The following EVL variants were observed in gnomAD, a reference collection of about 807,000 sequenced individuals.
EVL encodes the protein Enah/Vasp-like, also known as ena/VASP-like protein.
EVL carries 21 observed loss-of-function variants against 59.6 expected under a neutral mutation model. That is an observed-to-expected ratio of 0.35 (90% CI 0.25 to 0.51). The LOEUF is 0.51. Ranked by LOEUF, EVL falls within the 20% of genes least tolerant of loss-of-function variation. The probability of loss-of-function intolerance (pLI) is 0.97; values close to 1 mark genes in which losing one functional copy is unlikely to be tolerated. For synonymous variants in EVL, 198 were observed against 203.5 expected (o/e 0.97, Z 0.23); for missense variants, 462 against 546.6 (o/e 0.85, Z 1.54).
intron 13 of EVL, among the ~76,000 whole-genome samples, chr14:100,142,621 A>C (rs1889255532): frequency 1.3e-5 from 2 of 152,214 alleles, no homozygotes; most frequent in Non-Finnish European, 2.9e-5. Context: ...CTGATGGCAG[A>C]GGGAAGAGGC....
At chr14:100,120,132 G>A (rs905980796) in intron 3 of EVL, among the ~76,000 whole-genome samples, 7 of 152,224 alleles carry the variant, frequency 4.6e-5, no homozygotes, top group Non-Finnish European at 5.9e-5. Context: ...GCAGGGCATC[G>A]TTACACTGCT....
intron 1 of EVL, among the ~76,000 whole-genome samples, chr14:99,991,045 AT>A (rs2060872620): frequency 6.6e-6 from 1 of 151,808 alleles, no homozygotes; most frequent in Non-Finnish European, 1.5e-5. Flanking sequence ...TTTTTTGGAG[AT>A]TTGTGACAAT....
chr14:100,058,689 CA>C (rs2061773239), intron 1 of EVL, among the ~76,000 whole-genome samples: 1 of 151,918 alleles, frequency 6.6e-6, no homozygotes, highest in Admixed American at 6.6e-5. Flanking sequence ...ACACCAGGGT[CA>C]AAGTAGAGAC....
intron 11 of EVL, chr14:100,138,583 G>A (rs1435820587): frequency 6.5e-6 from 1 of 152,676 alleles, no homozygotes; most frequent in Non-Finnish European, 1.5e-5. Flanking sequence ...TGAACAGGTG[G>A]TGAGAGCAGA....
intron 1 of EVL, among the ~76,000 whole-genome samples, chr14:100,080,756 T>C (rs980665898): frequency 6.6e-6 from 1 of 152,156 alleles, no homozygotes; most frequent in Non-Finnish European, 1.5e-5. Context: ...GGGAAAGAAG[T>C]CCACCAACCT....
intron 8 of EVL, chr14:100,134,768 T>C (rs959456570): frequency 6.6e-6 from 1 of 152,254 alleles, no homozygotes; most frequent in African/African-American, 2.4e-5. Flanking sequence ...ATGGCAGAGC[T>C]GGCCCTGGGC....
At chr14:100,056,921 A>G (rs2061742897) in intron 1 of EVL, among the ~76,000 whole-genome samples, 1 of 152,228 alleles carries the variant, frequency 6.6e-6, no homozygotes, top group Non-Finnish European at 1.5e-5. Flanking sequence ...TGAATAAAAA[A>G]TGATAGTCCC....
chr14:100,131,613 C>T (rs1265577322), intron 7 of EVL, among the ~76,000 whole-genome samples: 1 of 152,146 alleles, frequency 6.6e-6, no homozygotes, highest in Non-Finnish European at 1.5e-5. Context: ...GCTTGGTCAG[C>T]GTTCTGTTTC....
chr14:100,074,008 C>T (rs1432589116), intron 1 of EVL, among the ~76,000 whole-genome samples: 1 of 89,878 alleles, frequency 1.1e-5, no homozygotes, highest in Non-Finnish European at 2.2e-5. Flanking sequence ...CCCCCGGGGG[C>T]GGTGGGGGCG....
intron 1 of EVL, among the ~76,000 whole-genome samples, chr14:100,028,682 G>C (rs76063550): frequency 6.6e-6 from 1 of 152,080 alleles, no homozygotes; most frequent in Admixed American, 6.6e-5. Context: ...ATGGTGACAC[G>C]CACCTGTAGT....
At chr14:99,992,737 A>G (rs534883953) in intron 1 of EVL, among the ~76,000 whole-genome samples, 1 of 152,336 alleles carries the variant, frequency 6.6e-6, no homozygotes, top group African/African-American at 2.4e-5. Flanking sequence ...ATTTGACCAT[A>G]CATGCAAATG....
chr14:100,102,192 A>G (rs1313033342), intron 3 of EVL: 5 of 452,158 alleles, frequency 1.1e-5, no homozygotes, highest in Non-Finnish European at 1.8e-5. Context: ...TTAGTAGGCA[A>G]TTTCATCTTT....
chr14:100,078,009 C>T (rs888591057), intron 1 of EVL, among the ~76,000 whole-genome samples: 15 of 152,106 alleles, frequency 9.9e-5, no homozygotes, highest in Admixed American at 3.9e-4. Context: ...CTCCTGACCT[C>T]GTGATCCGCC....
At chr14:99,994,124 T>C (rs1417445242) in intron 1 of EVL, among the ~76,000 whole-genome samples, 1 of 143,192 alleles carries the variant, frequency 7.0e-6, no homozygotes, top group East Asian at 2.0e-4. Flanking sequence ...TTTTTTTTTT[T>C]TTTTTTTTTT....
chr14:99,975,679 A>G (rs572884731), intron 1 of EVL, among the ~76,000 whole-genome samples: 1 of 152,264 alleles, frequency 6.6e-6, no homozygotes, highest in South Asian at 2.1e-4. Context: ...CGCTTCTATG[A>G]GAATCTAATA....
In EVL at chr14:100,141,208, A is replaced by G; in HGVS notation, c.1123A>G (p.Met375Val). The change falls in exon 12 of 14, where the codon ATG becomes GTG. Residue 375 changes from methionine (M) to valine (V), a missense_variant. Physicochemically the swap from Met to Val is conservative, Grantham distance 21. Transcript: ENST00000392920. ...RMKPAGSVND[M>V]ALDAFDLDRM... is the part of the protein sequence containing the mutation. ...GAAGCCTGCTGGGAGCGTGAATGAC[A>G]TGGCCCTGGATGCCTTCGACTTGGA... 1.9e-6 allele frequency: 3 copies of G among 1,613,870 alleles called. No individual in the cohort carries two copies. The highest frequency in any genetic ancestry group is 2.5e-6 in the Non-Finnish European group (3 of 1,179,976).
intron 1 of EVL, among the ~76,000 whole-genome samples, chr14:99,990,980 G>C (rs2060872037): frequency 6.6e-6 from 1 of 152,162 alleles, no homozygotes; most frequent in African/African-American, 2.4e-5. Context: ...ACATGGGTTT[G>C]AACTATGCTG....
chr14:100,015,582 C>A (rs953069319), intron 1 of EVL, among the ~76,000 whole-genome samples: 2 of 152,098 alleles, frequency 1.3e-5, no homozygotes, highest in African/African-American at 4.8e-5. Flanking sequence ...CTGGGAGAGC[C>A]CCACAGATCA....
At chr14:100,070,545 G>A (rs957125032) in intron 1 of EVL, among the ~76,000 whole-genome samples, 3 of 152,152 alleles carry the variant, frequency 2.0e-5, no homozygotes, top group Non-Finnish European at 2.9e-5. Context: ...ATCTCTTGTC[G>A]ATGCTCTGTC....
Sources: gnomAD v4.1 joint callset for allele counts (sites outside exome capture counted in the v4.1 genomes callset) on GRCh38, gnomAD v4.1.1 for gene constraint, MANE v1.5 for transcripts, NCBI Gene and HGNC (gene_info 2026-07-23, HGNC 2026-07-21) for gene names.